RBFOX1: variants seen among roughly 807,000 people sequenced by gnomAD.
The protein encoded by RBFOX1 is RNA binding fox-1 homolog 1, also known as RNA binding protein fox-1 homolog 1.
A neutral mutation model predicts 57.7 loss-of-function variants in RBFOX1; 8 were observed. The ratio of observed to expected loss-of-function variants is 0.14; its 90% CI spans 0.08 to 0.25. RBFOX1 has a LOEUF of 0.25. Ranked by LOEUF, RBFOX1 falls within the 10% of genes least tolerant of loss-of-function variation. RBFOX1 has a pLI of 1.00. For missense variants in RBFOX1, 611 were observed against 548.5 expected (o/e 1.11, Z -1.14); for synonymous variants, 326 against 222.4 (o/e 1.47, Z -4.15).
At chr16:5,378,970 T>C (rs181791016) in intron 1 of RBFOX1, among the ~76,000 whole-genome samples, 6 of 151,758 alleles carry the variant, frequency 4.0e-5, no homozygotes, top group Non-Finnish European at 8.8e-5. Flanking sequence ...CCAATAATCT[T>C]TCCATTAAGA....
chr16:5,653,959 C>G (rs946584224), intron 3 of RBFOX1, among the ~76,000 whole-genome samples: 2 of 152,210 alleles, frequency 1.3e-5, no homozygotes, highest in South Asian at 2.1e-4. Context: ...TGGATGTTCT[C>G]AGATCCCATC....
intron 3 of RBFOX1, among the ~76,000 whole-genome samples, chr16:5,671,590 G>A (rs980954450): frequency 6.6e-6 from 1 of 152,200 alleles, no homozygotes; most frequent in East Asian, 1.9e-4. Context: ...GGAGCATTTA[G>A]TGGTAATTAT....
At chr16:6,750,249 C>T (rs13339381) in intron 3 of RBFOX1, among the ~76,000 whole-genome samples, 14 of 152,148 alleles carry the variant, frequency 9.2e-5, no homozygotes, top group African/African-American at 1.4e-4. Context: ...AAGGTAAATT[C>T]ATCAATAGCT....
chr16:6,855,476 C>T (rs751705914), intron 3 of RBFOX1, among the ~76,000 whole-genome samples: 69 of 151,818 alleles, frequency 4.5e-4, no homozygotes, highest in Admixed American at 3.6e-3. Context: ...ACAGTGAAAC[C>T]CCGTCTCTAC....
At chr16:6,718,409 A>T (rs1451838512) in intron 3 of RBFOX1, among the ~76,000 whole-genome samples, 1 of 152,216 alleles carries the variant, frequency 6.6e-6, no homozygotes, top group Admixed American at 6.5e-5. Context: ...AAGTTTTGAA[A>T]AGTGGTGTAA....
intron 2 of RBFOX1, among the ~76,000 whole-genome samples, chr16:6,401,553 C>T (rs773870358): frequency 2.0e-5 from 3 of 152,056 alleles, no homozygotes; most frequent in African/African-American, 4.8e-5. Flanking sequence ...TAGGGGACAG[C>T]AGTGTTTAGC....
intron 2 of RBFOX1, among the ~76,000 whole-genome samples, chr16:6,515,496 T>C (rs1053080781): frequency 6.6e-6 from 1 of 152,242 alleles, no homozygotes; most frequent in African/African-American, 2.4e-5. Context: ...CTTTGGGTCA[T>C]ACCCAAATGG....
At chr16:5,469,550 G>A (rs571367144) in intron 2 of RBFOX1, among the ~76,000 whole-genome samples, 2 of 152,296 alleles carry the variant, frequency 1.3e-5, no homozygotes, top group East Asian at 3.9e-4. Context: ...TTTACAGTGA[G>A]CAGCTCCGTG....
At chr16:7,527,441 A>G (rs1387112630) in intron 5 of RBFOX1, among the ~76,000 whole-genome samples, 1 of 152,190 alleles carries the variant, frequency 6.6e-6, no homozygotes, top group Non-Finnish European at 1.5e-5. Flanking sequence ...TCTGAGCATC[A>G]AAGACCCATG....
intron 4 of RBFOX1, among the ~76,000 whole-genome samples, chr16:7,282,303 A>T (rs541319537): frequency 6.6e-6 from 1 of 152,202 alleles, no homozygotes; most frequent in Admixed American, 6.5e-5. Flanking sequence ...TTATTCCTGG[A>T]TGCCACAGTT....
chr16:5,595,801 A>G (rs1159350015), intron 2 of RBFOX1, among the ~76,000 whole-genome samples: 1 of 152,134 alleles, frequency 6.6e-6, no homozygotes, highest in Non-Finnish European at 1.5e-5. Flanking sequence ...GACACACGGG[A>G]TTGGGCACAG....
chr16:7,583,230 C>T (rs1368547961), intron 6 of RBFOX1, among the ~76,000 whole-genome samples: 4 of 150,630 alleles, frequency 2.7e-5, no homozygotes, highest in Non-Finnish European at 5.9e-5. Flanking sequence ...CAGAAGCCAT[C>T]GTCTTTTAAA....
intron 2 of RBFOX1, among the ~76,000 whole-genome samples, chr16:5,560,577 C>G (rs995511907): frequency 6.6e-6 from 1 of 152,222 alleles, no homozygotes; most frequent in African/African-American, 2.4e-5. Context: ...TGTACAAGGT[C>G]AAATGTGGTG....
chr16:6,494,367 C>G (rs748863948), intron 2 of RBFOX1, among the ~76,000 whole-genome samples: 2 of 152,124 alleles, frequency 1.3e-5, no homozygotes, highest in Admixed American at 1.3e-4. Flanking sequence ...AGCTATCTCT[C>G]GCGACCACCT....
chr16:5,308,323 T>A (rs1030861359), intron 1 of RBFOX1, among the ~76,000 whole-genome samples: 7 of 107,394 alleles, frequency 6.5e-5, no homozygotes, highest in Non-Finnish European at 1.3e-4. Context: ...TGAGGCTCTG[T>A]CTAAAAAAAA....
chr16:6,920,678 T>C (rs2153453384), intron 3 of RBFOX1, among the ~76,000 whole-genome samples: 1 of 152,284 alleles, frequency 6.6e-6, no homozygotes, highest in South Asian at 2.1e-4. Flanking sequence ...CTAGTTTCTT[T>C]TGGTTCCAAG....
At position 6,166,167 on chromosome 16, in the gene RBFOX1, C is replaced by T. The variant is rs547658769; in HGVS notation, c.-127+146175C>T. On this transcript the variant is annotated intron_variant, in intron 1 of 15. Coordinates refer to ENST00000550418, the MANE Select transcript of RBFOX1 (RefSeq NM_018723.4). ...CCCAAGTAGAAAGCATCTTAGTTGG[C>T]AATTCAGTCACTGACCTTGAAATAG... Among the ~76,000 whole-genome samples, 8 of 152,298 alleles carry T rather than the reference C, an allele frequency of 5.3e-5. No homozygotes were observed. In the East Asian group the frequency reaches 1.5e-3, roughly 29 times the overall value.
chr16:6,406,768 T>A (rs1182567711), intron 2 of RBFOX1, among the ~76,000 whole-genome samples: 6 of 152,072 alleles, frequency 3.9e-5, no homozygotes, highest in African/African-American at 1.4e-4. Context: ...CTTCATAAGG[T>A]TATGTGGAGG....
intron 1 of RBFOX1, among the ~76,000 whole-genome samples, chr16:6,275,505 C>G (rs1359020527): frequency 6.6e-6 from 1 of 152,082 alleles, no homozygotes; most frequent in African/African-American, 2.4e-5. Flanking sequence ...CCTTTATTTT[C>G]ATTTCACATC....
Sources: allele counts gnomAD v4.1 joint callset (sites outside exome capture counted in the v4.1 genomes callset), GRCh38; gene constraint gnomAD v4.1.1; transcripts MANE v1.5; gene names NCBI Gene and HGNC (gene_info 2026-07-23, HGNC 2026-07-21).